MS4A15: variants seen among roughly 807,000 people sequenced by gnomAD.
MS4A15 encodes membrane spanning 4-domains A15.
A neutral mutation model predicts 20.6 loss-of-function variants in MS4A15; 22 were observed. That is an observed-to-expected ratio of 1.07 (90% CI 0.76 to 1.52). The LOEUF is 1.52. Among genes scored for constraint, MS4A15 ranks in the 40% most tolerant of loss-of-function variants. The pLI is 0.00. For missense variants in MS4A15, 312 were observed against 323.0 expected, an observed-to-expected ratio of 0.97 and a Z score of 0.26; for synonymous variants, 129 against 129.3, an observed-to-expected ratio of 1.00 and a Z score of 0.02.
rs1853916864 is a variant in MS4A15 at position 60,767,616 on chromosome 11, C to T, written c.309C>T (p.Phe103=). The stretch of plus-strand genomic sequence containing the variant: ...TTCGCCGCGGCCACGTGGGCATCTT[C>T]TTCATCGAGGGCGGCGTCCCCTTCT... The part of the protein sequence containing the change: ...LMVRRGHVGI[F]FIEGGVPFWG... The change falls in exon 3 of 7, where the codon TTC becomes TTT. Residue 103 remains phenylalanine, a synonymous_variant. Coordinates refer to ENST00000405633, the MANE Select transcript of MS4A15 (RefSeq NM_001098835.2). The T allele has an allele frequency of 6.4e-7, 1 of 1,558,388 alleles. No homozygotes were observed. Among genetic ancestry groups the T allele is most frequent in the East Asian group, 2.4e-5 (1 of 42,304 alleles).
chr11:60,763,522 C>G (rs1853800030), intron 1 of MS4A15, among the ~76,000 whole-genome samples, 184 bp from the exon 2 acceptor site: 1 of 152,232 alleles, frequency 6.6e-6, no homozygotes, highest in Non-Finnish European at 1.5e-5. Context: ...CTTACCCCAC[C>G]TACAGGCCCT....
intron 6 of MS4A15, among the ~76,000 whole-genome samples, chr11:60,774,229 T>TA (rs899343222): frequency 9.9e-5 from 15 of 151,770 alleles, no homozygotes; most frequent in African/African-American, 3.6e-4. Flanking sequence ...CTGGGCAACA[T>TA]AAAAAGATCC....
intron 1 of MS4A15, 117 bp from the exon 2 acceptor site, chr11:60,763,589 C>T (rs187638216): frequency 1.4e-5 from 11 of 793,378 alleles, no homozygotes; most frequent in Admixed American, 2.6e-5. Context: ...TTGATGAGAG[C>T]GTTTGGGGCC....
Position 60,771,513 on chromosome 11 carries a change from G to A in MS4A15, c.405+166G>A, listed in dbSNP as rs1020488586. The A allele has an allele frequency of 3.9e-6, 6 of 1,536,004 alleles. No homozygotes were observed. In the African/African-American group the frequency reaches 8.2e-5, roughly 21 times the overall value. Reference sequence around the variant, plus strand: ...CACCCAGGCAGACCAGACGCAGACTGTGCATGTCCAGGAGAAGAAGACAGG... The same window carrying A: ...CACCCAGGCAGACCAGACGCAGACTATGCATGTCCAGGAGAAGAAGACAGG... On this transcript the variant is annotated intron_variant, in intron 4 of 6. Coordinates refer to ENST00000405633, the MANE Select transcript of MS4A15 (RefSeq NM_001098835.2).
chr11:60,763,075 G>T (rs111485867), intron 1 of MS4A15, among the ~76,000 whole-genome samples: 2,882 of 152,226 alleles, frequency 0.019, 37 homozygotes, highest in South Asian at 0.067. Context: ...CGCCACCCCC[G>T]CTCGAGGCCC....
intron 1 of MS4A15, among the ~76,000 whole-genome samples, chr11:60,759,098 T>C (rs562622714): frequency 1.5e-4 from 23 of 152,342 alleles, no homozygotes; most frequent in Middle Eastern, 3.4e-3. Flanking sequence ...AGCTCCTCTG[T>C]GACCATCATT....
intron 1 of MS4A15, among the ~76,000 whole-genome samples, chr11:60,757,585 C>T (rs1356102550): frequency 1.3e-5 from 2 of 152,116 alleles, no homozygotes; most frequent in Admixed American, 6.5e-5. Flanking sequence ...ATCATGAGGA[C>T]GGACCGGAGC....
At chr11:60,765,027 C>T (rs961440282) in intron 2 of MS4A15, among the ~76,000 whole-genome samples, 3 of 152,186 alleles carry the variant, frequency 2.0e-5, no homozygotes, top group Admixed American at 6.5e-5. Flanking sequence ...AGAGCTCCAT[C>T]CAGCTGTGTG....
At chr11:60,765,282 G>C (rs575683311) in intron 2 of MS4A15, among the ~76,000 whole-genome samples, 48 of 152,236 alleles carry the variant, frequency 3.2e-4, no homozygotes, top group African/African-American at 1.1e-3. Flanking sequence ...TGTTATGTAG[G>C]AACTCAAATT....
rs1590989396 is a variant in MS4A15 at position 60,775,759 on chromosome 11, C to T, written c.*44C>T. Reference sequence around the variant, plus strand: ...GCGGGTGGAGTCCAGCCTTTTCCCTCTGGGCCCAGCCTCTCCCCACCCCCA... The same window carrying T: ...GCGGGTGGAGTCCAGCCTTTTCCCTTTGGGCCCAGCCTCTCCCCACCCCCA... On this transcript the variant is annotated 3_prime_UTR_variant, in exon 7 of 7. Transcript: ENST00000405633. 2.0e-6 allele frequency: 3 copies of T among 1,516,006 alleles called. No homozygotes were observed. The East Asian group carries it at 6.8e-5, about 34-fold the overall frequency. 93.9% of individuals were successfully genotyped at this position (1,516,006 alleles called of 1,614,324 possible).
chr11:60,770,947 T>A (rs927037637), intron 3 of MS4A15, among the ~76,000 whole-genome samples: 2 of 152,150 alleles, frequency 1.3e-5, no homozygotes, highest in African/African-American at 4.8e-5. Flanking sequence ...CTTCAAGAGA[T>A]CCTCCCACCT....
intron 3 of MS4A15, among the ~76,000 whole-genome samples, chr11:60,769,794 C>T (rs981272903): frequency 1.3e-5 from 2 of 152,138 alleles, no homozygotes; most frequent in Non-Finnish European, 1.5e-5. Flanking sequence ...CAGGTCGCGC[C>T]GGATCACCCT....
intron 4 of MS4A15, 59 bp from the exon 5 acceptor site, chr11:60,773,333 C>A (rs1054763370): frequency 5.0e-5 from 74 of 1,467,570 alleles, no homozygotes; most frequent in Non-Finnish European, 6.2e-5. Context: ...GCCACAGCCC[C>A]TGCCTTTTCT....
chr11:60,767,929 A>G (rs983693872), intron 3 of MS4A15, among the ~76,000 whole-genome samples: 5 of 152,248 alleles, frequency 3.3e-5, no homozygotes, highest in Admixed American at 3.3e-4. Context: ...ACGGTGGCTC[A>G]TGCCTGTAAT....
At chr11:60,767,752 C>G in intron 3 of MS4A15, 97 bp downstream of exon 3, 2 of 1,378,396 alleles carry the variant, frequency 1.5e-6, no homozygotes, top group Non-Finnish European at 1.9e-6. Context: ...TGGGCACAGC[C>G]TCTCCTAGGT....
intron 3 of MS4A15, among the ~76,000 whole-genome samples, chr11:60,769,435 G>A (rs1386340634): frequency 1.3e-5 from 2 of 152,082 alleles, no homozygotes; most frequent in East Asian, 3.9e-4. Flanking sequence ...GCAGTCAGCC[G>A]GCATGCGGGT....
chr11:60,766,373 C>A (rs1853885413), intron 2 of MS4A15, among the ~76,000 whole-genome samples: 1 of 152,154 alleles, frequency 6.6e-6, no homozygotes, highest in Admixed American at 6.5e-5. Flanking sequence ...AAGAGTGAAA[C>A]TCCTTCTCAA....
chr11:60,761,697 C>T (rs1853743473), intron 1 of MS4A15, among the ~76,000 whole-genome samples: 1 of 152,148 alleles, frequency 6.6e-6, no homozygotes, highest in Admixed American at 6.5e-5. Flanking sequence ...TTAGAACTTC[C>T]TTTTTTTGAA....
intron 4 of MS4A15, among the ~76,000 whole-genome samples, chr11:60,771,942 G>A (rs528661680): frequency 1.3e-5 from 2 of 152,298 alleles, no homozygotes; most frequent in South Asian, 4.1e-4. Flanking sequence ...CGGCAGCGAA[G>A]GTCATGAACA....
Sources: gnomAD v4.1 joint callset for allele counts (sites outside exome capture counted in the v4.1 genomes callset) on GRCh38, gnomAD v4.1.1 for gene constraint, MANE v1.5 for transcripts, NCBI Gene and HGNC (gene_info 2026-07-23, HGNC 2026-07-21) for gene names.